The following TMEM131 variants were observed in gnomAD, a reference collection of about 807,000 sequenced individuals.
TMEM131 encodes the protein 2610524E03Rik.
Under a neutral mutation model 211.6 loss-of-function variants are expected in TMEM131, and 66 were observed. The ratio of observed to expected loss-of-function variants is 0.31; its 90% CI spans 0.26 to 0.38. TMEM131 has a LOEUF of 0.38. Among genes scored for constraint, TMEM131 ranks in the 10% least tolerant of loss-of-function variants. The probability of loss-of-function intolerance (pLI) is 1.00; values close to 1 mark genes in which losing one functional copy is unlikely to be tolerated. For synonymous variants in TMEM131, 844 were observed against 841.3 expected (o/e 1.00, Z -0.06); for missense variants, 2,036 against 2,299.3 (o/e 0.89, Z 2.34).
At chr2:97,809,880 G>A in intron 18 of TMEM131, 106 bp from the exon 19 acceptor site, 1 of 768,718 alleles carries the variant, frequency 1.3e-6, no homozygotes. Context: ...GACTAATATT[G>A]ACAATAACCA....
chr2:97,794,208 G>GT (rs1680650793), intron 29 of TMEM131, among the ~76,000 whole-genome samples: 1 of 151,648 alleles, frequency 6.6e-6, no homozygotes, highest in Non-Finnish European at 1.5e-5. Context: ...CTAATTTTTT[G>GT]TATTTTTAGT....
chr2:97,847,799 T>C lies in TMEM131; in HGVS notation c.484-3538A>G, dbSNP rs1165156413. On this transcript the variant is annotated intron_variant, in intron 5 of 40. Coordinates refer to ENST00000186436, the MANE Select transcript of TMEM131 (RefSeq NM_015348.2). ...TGGTTTGAAAATTGTACTATGATTA[T>C]ATAAGATGTTAACATCAGAAGAATG... Among the ~76,000 whole-genome samples the C allele has an allele frequency of 4.6e-5, 7 of 152,290 alleles. 1 individual carries two copies. In the Middle Eastern group the frequency reaches 0.014, roughly 296 times the overall value.
At chr2:97,853,623 A>G (rs891122409) in intron 5 of TMEM131, among the ~76,000 whole-genome samples, 1 of 151,632 alleles carries the variant, frequency 6.6e-6, no homozygotes, top group Non-Finnish European at 1.5e-5. Context: ...AAAAAAAAAA[A>G]AAGAACATTT....
chr2:97,987,424 A>T (rs1243923630), intron 1 of TMEM131, among the ~76,000 whole-genome samples: 1 of 151,968 alleles, frequency 6.6e-6, no homozygotes, highest in African/African-American at 2.4e-5. Flanking sequence ...AATCGCTTGA[A>T]CCCGGGAGAC....
intron 3 of TMEM131, among the ~76,000 whole-genome samples, chr2:97,904,656 A>G (rs1323885479): frequency 6.6e-6 from 1 of 152,134 alleles, no homozygotes; most frequent in Non-Finnish European, 1.5e-5. Context: ...GTTTGGGTTT[A>G]AGTCTGCCAT....
chr2:97,823,980 A>C (rs1243030277), intron 11 of TMEM131, among the ~76,000 whole-genome samples: 1 of 152,182 alleles, frequency 6.6e-6, no homozygotes, highest in Non-Finnish European at 1.5e-5. Flanking sequence ...GACCAAGAGG[A>C]ACAGGCCCAA....
intron 33 of TMEM131, among the ~76,000 whole-genome samples, chr2:97,770,417 G>A (rs956555880): frequency 5.3e-5 from 8 of 152,154 alleles, no homozygotes; most frequent in African/African-American, 1.9e-4. Flanking sequence ...TCAAGCACAC[G>A]GCTTGATTTG....
intron 11 of TMEM131, among the ~76,000 whole-genome samples, chr2:97,823,201 TC>T (rs1215911257): frequency 6.6e-6 from 1 of 151,662 alleles, no homozygotes; most frequent in Non-Finnish European, 1.5e-5. Flanking sequence ...TCCTCTAATT[TC>T]CCCCACCCAG....
rs565904388 is a variant in TMEM131, at chr2:97,888,099, A to G, written c.312T>C (p.Asn104=). The G allele has an allele frequency of 6.2e-6, 10 of 1,613,654 alleles. No individual in the cohort carries two copies. In the Admixed American group the frequency reaches 1.5e-4, roughly 24 times the overall value. ...GTGGCTCAAATCGTATGGGCCTGCA[A>G]TTCCCCCGGTAGAGAGATATACTGT... The part of the protein sequence containing the change: ...QQKSISLYRG[N]CRPIRFEPPM... The change falls in exon 4 of 41, where the codon AAT becomes AAC. Residue 104 remains asparagine, a synonymous_variant. Transcript: ENST00000186436.
chr2:97,966,568 G>A (rs957434019), intron 1 of TMEM131, among the ~76,000 whole-genome samples: 3 of 152,132 alleles, frequency 2.0e-5, no homozygotes, highest in African/African-American at 7.2e-5. Context: ...TTGTTGAGCT[G>A]ACTACATGGA....
rs997468637 is a variant in TMEM131, at chr2:97,995,678, G to A, written c.-16C>T. 1.0e-5 allele frequency: 12 copies of A among 1,199,098 alleles called. No individual in the cohort carries two copies. In the African/African-American group the frequency reaches 1.3e-4, roughly 13 times the overall value. 74.3% of individuals were successfully genotyped at this position (1,199,098 alleles called of 1,614,324 possible). On this transcript the variant is annotated 5_prime_UTR_variant, in exon 1 of 41. Coordinates refer to ENST00000186436, the MANE Select transcript of TMEM131 (RefSeq NM_015348.2). ...GCTTCCCCATCCCTGCCGGCCGGGG[G>A]CCGCCGCGCTCGAGGTCCGGCGCGG...
chr2:97,834,716 G>A lies in TMEM131; in HGVS notation c.956-39C>T, dbSNP rs367656862. ...AAAGTCAACAATTATTTTTCACTTTGCCAGAGTAAGCTATACTGAAAACAA... is the reference window on the plus strand; with the variant it reads ...AAAGTCAACAATTATTTTTCACTTTACCAGAGTAAGCTATACTGAAAACAA... On this transcript the variant is annotated intron_variant, in intron 9 of 40. Coordinates refer to ENST00000186436, the MANE Select transcript of TMEM131 (RefSeq NM_015348.2). The A allele has an allele frequency of 1.1e-5, 17 of 1,595,470 alleles. No homozygotes were observed. In the African/African-American group the frequency reaches 1.9e-4, roughly 18 times the overall value.
At chr2:97,888,244 C>A in intron 3 of TMEM131, 124 bp from the exon 4 acceptor site, 1 of 637,244 alleles carries the variant, frequency 1.6e-6, no homozygotes. Flanking sequence ...GTCTAACAAT[C>A]TATCAGAAAT....
At chr2:97,958,924 T>C (rs1438134544) in intron 1 of TMEM131, among the ~76,000 whole-genome samples, 1 of 151,738 alleles carries the variant, frequency 6.6e-6, no homozygotes, top group Non-Finnish European at 1.5e-5. Flanking sequence ...GCACTGACAG[T>C]GGAGGTTTAT....
chr2:97,901,553 G>A (rs529590842), intron 3 of TMEM131, among the ~76,000 whole-genome samples: 87 of 152,068 alleles, frequency 5.7e-4, no homozygotes, highest in African/African-American at 1.7e-3. Context: ...ATCAATGGAT[G>A]AACAAAGAAA....
At chr2:97,953,917 T>C (rs1046011135) in intron 1 of TMEM131, among the ~76,000 whole-genome samples, 2 of 152,184 alleles carry the variant, frequency 1.3e-5, no homozygotes, top group Non-Finnish European at 2.9e-5. Flanking sequence ...CACTTCTGTA[T>C]ACCACATGTC....
chr2:97,940,911 C>T (rs12712176), intron 1 of TMEM131, among the ~76,000 whole-genome samples: 113,897 of 151,714 alleles, frequency 0.75, 44,438 homozygotes, highest in African/African-American at 0.87. Flanking sequence ...AAGTAATTTA[C>T]AGATTCAATG....
intron 2 of TMEM131, chr2:97,911,662 T>C (rs1167442035): frequency 2.0e-6 from 2 of 985,050 alleles, no homozygotes; most frequent in Non-Finnish European, 2.4e-6. Context: ...AGATACTCAA[T>C]GCAAAGGATC....
At chr2:97,817,164 G>A (rs1361239184) in intron 12 of TMEM131, among the ~76,000 whole-genome samples, 3 of 151,850 alleles carry the variant, frequency 2.0e-5, no homozygotes, top group Non-Finnish European at 2.9e-5. Context: ...ATCTCAAGAA[G>A]GGAAAGATTA....
Sources: allele counts gnomAD v4.1 joint callset (sites outside exome capture counted in the v4.1 genomes callset), GRCh38; gene constraint gnomAD v4.1.1; transcripts MANE v1.5; gene names NCBI Gene and HGNC (gene_info 2026-07-23, HGNC 2026-07-21).